The following ASMTL variants were observed in gnomAD, a reference collection of about 807,000 sequenced individuals.
ASMTL encodes the protein acetylserotonin O-methyltransferase like, also known as probable bifunctional dTTP/UTP pyrophosphatase/methyltransferase protein.
ASMTL carries 57 observed loss-of-function variants against 60.3 expected under a neutral mutation model. The ratio of observed to expected loss-of-function variants is 0.95; its 90% CI spans 0.76 to 1.18. The LOEUF is 1.18. Among genes scored for constraint, ASMTL ranks in the 50% most tolerant of loss-of-function variants. The pLI is 0.00. For synonymous variants in ASMTL, 419 were observed against 373.0 expected (o/e 1.12, Z -1.42); for missense variants, 981 against 852.6 (o/e 1.15, Z -1.88).
In ASMTL at chrX:1,427,953, G is replaced by A. The variant is rs749209310; in HGVS notation, c.678C>T (p.His226=). 11 of 1,613,362 alleles carry A rather than the reference G, an allele frequency of 6.8e-6. No homozygotes were observed. The highest frequency in any genetic ancestry group is 4.0e-5 in the African/African-American group (3 of 74,948). ...AGGTGTCCGCGGCCGGGATGGAGTC[G>A]TGCTTGACACTCCGCCGCAGGTCCT... ...RPEDLRRSVK[H]DSIPAADTFE... The change falls in exon 7 of 13, where the codon CAC becomes CAT. Residue 226 remains histidine, a synonymous_variant. Coordinates refer to ENST00000381317, the MANE Select transcript of ASMTL (RefSeq NM_004192.4).
Position 1,424,896 on chromosome X carries a change from A to G in ASMTL, c.1060+629T>C, listed in dbSNP as rs1188459843. On this transcript the variant is annotated intron_variant, in intron 8 of 12. Coordinates refer to ENST00000381317, the MANE Select transcript of ASMTL (RefSeq NM_004192.4). Reference sequence around the variant, plus strand: ...CATCCACCCATCCACTGATCCACCAATCCATCCACCTTCCCATCCATGTAT... The same window carrying G: ...CATCCACCCATCCACTGATCCACCAGTCCATCCACCTTCCCATCCATGTAT... 4.6e-5 allele frequency among the ~76,000 whole-genome samples: 6 copies of G among 129,572 alleles called. No individual in the cohort carries two copies. In the Admixed American group the frequency reaches 4.8e-4, roughly 10 times the overall value. The allele number at this position is 129,572 out of a possible 152,430, so 85.0% of individuals were successfully genotyped here.
intron 12 of ASMTL, among the ~76,000 whole-genome samples, chrX:1,412,148 C>T (rs1367148086): frequency 1.3e-5 from 2 of 152,018 alleles, no homozygotes; most frequent in Non-Finnish European, 1.5e-5. Flanking sequence ...AGCAGATTTA[C>T]CCTCCACAAT....
intron 12 of ASMTL, among the ~76,000 whole-genome samples, chrX:1,410,921 C>G (rs1177109523): frequency 6.6e-6 from 1 of 151,512 alleles, no homozygotes; most frequent in East Asian, 2.0e-4. Flanking sequence ...CGAGGTGGCT[C>G]ACGCCTGTAA....
upstream of ASMTL, chrX:1,452,974 C>T (rs1156620464): frequency 1.5e-6 from 1 of 668,382 alleles, no homozygotes; most frequent in African/African-American, 1.9e-5. Flanking sequence ...CTCCGCGAGG[C>T]CACGCCCAGT....
At chrX:1,426,074 A>C (rs2090603729) in intron 7 of ASMTL, among the ~76,000 whole-genome samples, 1 of 152,080 alleles carries the variant, frequency 6.6e-6, no homozygotes, top group Non-Finnish European at 1.5e-5. Context: ...CCCTAATCCA[A>C]TAGGACTGGG....
chrX:1,428,247 C>CA (rs2090668700), intron 6 of ASMTL, 126 bp from the exon 7 acceptor site: 4 of 1,196,616 alleles, frequency 3.3e-6, no homozygotes, highest in Non-Finnish European at 4.6e-6. Context: ...TCCTGGCTAA[C>CA]ACAGTGAAAC....
intron 8 of ASMTL, among the ~76,000 whole-genome samples, chrX:1,422,615 G>T (rs1331430225): frequency 6.6e-6 from 1 of 152,124 alleles, no homozygotes. Context: ...AGGTGGAGAA[G>T]TTGTTGGTGG....
At chrX:1,428,958 G>A (rs188565943) in intron 6 of ASMTL, among the ~76,000 whole-genome samples, 2 of 150,524 alleles carry the variant, frequency 1.3e-5, no homozygotes, top group Admixed American at 6.7e-5. Context: ...GTGCAGTGGC[G>A]CGATCTCGGC....
intron 1 of ASMTL, among the ~76,000 whole-genome samples, chrX:1,443,811 C>T (rs1163851899): frequency 6.6e-6 from 1 of 151,414 alleles, no homozygotes; most frequent in African/African-American, 2.4e-5. Flanking sequence ...GGACAGACAC[C>T]ATCGTGGACA....
upstream of ASMTL, chrX:1,453,535 C>G (rs1262182049): frequency 2.0e-5 from 3 of 153,122 alleles, no homozygotes; most frequent in African/African-American, 7.3e-5. Context: ...CTTGGGGTTC[C>G]TTGCAGGCGC....
chrX:1,405,055 G>A (rs866574449), intron 12 of ASMTL, among the ~76,000 whole-genome samples: 3 of 151,288 alleles, frequency 2.0e-5, no homozygotes, highest in African/African-American at 7.4e-5. Context: ...TGGGTACGTA[G>A]ATAGATGAAT....
chrX:1,439,363 G>A (rs751406803), intron 2 of ASMTL, among the ~76,000 whole-genome samples: 3 of 152,296 alleles, frequency 2.0e-5, no homozygotes, highest in South Asian at 4.1e-4. Flanking sequence ...CGGGGCCCAC[G>A]GGGGCTGCGT....
At chrX:1,411,230 A>G (rs1178263791) in intron 12 of ASMTL, among the ~76,000 whole-genome samples, 6 of 10,216 alleles carry the variant, frequency 5.9e-4, no homozygotes, top group Non-Finnish European at 5.4e-3. Flanking sequence ...AGAAAGAAGG[A>G]GAGACAGAGG....
chrX:1,404,296 A>C (rs1230519598), intron 12 of ASMTL, among the ~76,000 whole-genome samples: 3 of 150,280 alleles, frequency 2.0e-5, no homozygotes, highest in Non-Finnish European at 4.4e-5. Flanking sequence ...GGATGGGTGA[A>C]TAGATGGTAG....
At chrX:1,430,921 CATTAT>C (rs1434186965) in intron 6 of ASMTL, among the ~76,000 whole-genome samples, 12 of 139,946 alleles carry the variant, frequency 8.6e-5, no homozygotes, top group African/African-American at 2.9e-4. Flanking sequence ...ACACATAATA[CATTAT>C]ATATTATATA....
rs1229167623 is a variant in ASMTL at position 1,427,755 on chromosome X, A to G, written c.876T>C (p.Ile292=). 1.9e-6 allele frequency: 3 copies of G among 1,611,852 alleles called. No homozygotes were observed. Among genetic ancestry groups the G allele is most frequent in the Non-Finnish European group, 2.5e-6 (3 of 1,178,664 alleles). The change falls in exon 7 of 13, where the codon ATT becomes ATC. Residue 292 remains isoleucine (I), a synonymous_variant. Transcript: ENST00000381317. ...GTACCTTGGATAGCATAAAGCCCTC[A>G]ATCAGCTCCAGGAGGCGTGTCGGGA... ...PPFPTRLLEL[I]EGFMLSKGLL...
intron 12 of ASMTL, among the ~76,000 whole-genome samples, chrX:1,410,908 G>A (rs1366787337): frequency 3.3e-5 from 5 of 151,702 alleles, no homozygotes; most frequent in South Asian, 2.1e-4. Flanking sequence ...TAATAGAGCC[G>A]GGCGAGGTGG....
intron 12 of ASMTL, among the ~76,000 whole-genome samples, chrX:1,412,480 A>T (rs1218340295): frequency 6.6e-6 from 1 of 151,956 alleles, no homozygotes; most frequent in Non-Finnish European, 1.5e-5. Flanking sequence ...CACCTGCCTC[A>T]GCCTCCCAAA....
At position 1,419,353 on chromosome X, in the gene ASMTL, T is replaced by C. The variant is rs773401784; in HGVS notation, c.1246-239A>G. Among the ~76,000 whole-genome samples, 10 of 152,240 alleles carry C rather than the reference T, an allele frequency of 6.6e-5. No individual in the cohort carries two copies. In the East Asian group the frequency reaches 1.9e-3, roughly 29 times the overall value. ...GGACGATCTCCTTGGAATCACTTGGTCCACACCACAGCCTGAACTCCAAGC... is the reference window on the plus strand; with the variant it reads ...GGACGATCTCCTTGGAATCACTTGGCCCACACCACAGCCTGAACTCCAAGC... On this transcript the variant is annotated intron_variant, in intron 9 of 12. Transcript: ENST00000381317.
Sources: gnomAD v4.1 joint callset for allele counts (sites outside exome capture counted in the v4.1 genomes callset) on GRCh38, gnomAD v4.1.1 for gene constraint, MANE v1.5 for transcripts, NCBI Gene and HGNC (gene_info 2026-07-23, HGNC 2026-07-21) for gene names.